The following RGS6 variants were observed in gnomAD, a reference collection of about 807,000 sequenced individuals.
The protein encoded by RGS6 is regulator of G protein signaling 6, also known as regulator of G-protein signaling 6.
Under a neutral mutation model 78.5 loss-of-function variants are expected in RGS6, and 30 were observed. That is an observed-to-expected ratio of 0.38 (90% CI 0.29 to 0.52). RGS6 has a LOEUF of 0.52. RGS6 is among the 20% of genes least tolerant of loss of function. RGS6 has a pLI of 0.85. For synonymous variants in RGS6, 206 were observed against 206.0 expected (o/e 1.00, Z 0.00); for missense variants, 495 against 609.7 (o/e 0.81, Z 1.98).
intron 15 of RGS6, among the ~76,000 whole-genome samples, chr14:72,525,448 C>T (rs943862375): frequency 6.6e-6 from 1 of 152,120 alleles, no homozygotes; most frequent in African/African-American, 2.4e-5. Flanking sequence ...ATGCTCAAGG[C>T]CAGAATGAGG....
chr14:72,255,675 A>G (rs745806949), intron 2 of RGS6, among the ~76,000 whole-genome samples: 8 of 152,208 alleles, frequency 5.3e-5, no homozygotes, highest in Non-Finnish European at 1.0e-4. Flanking sequence ...TGAGGGCTTC[A>G]AAGAGGCTGA....
At chr14:72,489,392 C>T (rs538473179) in intron 12 of RGS6, among the ~76,000 whole-genome samples, 1 of 152,346 alleles carries the variant, frequency 6.6e-6, no homozygotes, top group South Asian at 2.1e-4. Context: ...CCACATCCAG[C>T]TTGCTCTCTC....
intron 2 of RGS6, among the ~76,000 whole-genome samples, chr14:72,196,508 T>C (rs1311321999): frequency 6.6e-6 from 1 of 152,202 alleles, no homozygotes; most frequent in Non-Finnish European, 1.5e-5. Context: ...ACATGCCCCC[T>C]GTTCCTCCTG....
chr14:72,208,132 C>T (rs2043132589), intron 2 of RGS6, among the ~76,000 whole-genome samples: 1 of 152,176 alleles, frequency 6.6e-6, no homozygotes, highest in Non-Finnish European at 1.5e-5. Context: ...CAGAAGAGAA[C>T]ACAAAACCCG....
chr14:72,086,271 A>T (rs753722688), intron 2 of RGS6, among the ~76,000 whole-genome samples: 3 of 152,166 alleles, frequency 2.0e-5, no homozygotes, highest in Non-Finnish European at 4.4e-5. Context: ...TTTGCTCGAC[A>T]CCTGTGCCCT....
chr14:72,228,548 C>G (rs1337260922), intron 2 of RGS6, among the ~76,000 whole-genome samples: 2 of 152,094 alleles, frequency 1.3e-5, no homozygotes, highest in Non-Finnish European at 2.9e-5. Flanking sequence ...AGAAATAGAG[C>G]AAGGTGAGGT....
intron 3 of RGS6, among the ~76,000 whole-genome samples, chr14:72,373,731 T>A (rs958181720): frequency 6.6e-6 from 1 of 152,112 alleles, no homozygotes; most frequent in Non-Finnish European, 1.5e-5. Context: ...CCCTAGAAAA[T>A]TCCTAATTCC....
chr14:71,935,894 A>T (rs1200862084), intron 1 of RGS6, among the ~76,000 whole-genome samples: 2 of 151,588 alleles, frequency 1.3e-5, no homozygotes, highest in Admixed American at 6.6e-5. Context: ...TCTGTCTGAG[A>T]TGGGGCCCGA....
chr14:72,327,137 CT>C (rs2073985552), intron 2 of RGS6, among the ~76,000 whole-genome samples: 1 of 152,158 alleles, frequency 6.6e-6, no homozygotes, highest in Admixed American at 6.5e-5. Flanking sequence ...AATGTATCCC[CT>C]TTTTTATCTG....
chr14:71,996,022 C>T (rs540008182), intron 2 of RGS6, among the ~76,000 whole-genome samples: 1 of 152,120 alleles, frequency 6.6e-6, no homozygotes, highest in Non-Finnish European at 1.5e-5. Flanking sequence ...CGAGGCCTTC[C>T]GAGTCACCGG....
intron 2 of RGS6, among the ~76,000 whole-genome samples, chr14:71,965,749 C>A (rs141622638): frequency 6.6e-6 from 1 of 151,994 alleles, no homozygotes; most frequent in African/African-American, 2.4e-5. Context: ...CAAGATAGAG[C>A]GGAGGCTCTA....
At chr14:72,207,744 C>T (rs907295419) in intron 2 of RGS6, among the ~76,000 whole-genome samples, 8 of 152,206 alleles carry the variant, frequency 5.3e-5, no homozygotes, top group Non-Finnish European at 1.2e-4. Context: ...CCACTTCTTC[C>T]ATCTCTTGTT....
At chr14:72,043,280 TC>T (rs1261242871) in intron 2 of RGS6, among the ~76,000 whole-genome samples, 1 of 152,142 alleles carries the variant, frequency 6.6e-6, no homozygotes, top group East Asian at 1.9e-4. Context: ...GTAACTTTTT[TC>T]CTTTGCTGTT....
chr14:72,279,815 G>A (rs2061290348), intron 2 of RGS6, among the ~76,000 whole-genome samples: 1 of 152,076 alleles, frequency 6.6e-6, no homozygotes, highest in Non-Finnish European at 1.5e-5. Context: ...TTAAGTATAG[G>A]GTATAGAAGT....
the RGS6 span, among the ~76,000 whole-genome samples, chr14:72,602,888 C>G: frequency 1.3e-5 from 2 of 152,080 alleles, no homozygotes; most frequent in Non-Finnish European, 2.9e-5. Context: ...GTCCTTGATT[C>G]TAGTCCCTTA....
At chr14:72,498,864 C>T (rs1466105947) in intron 13 of RGS6, among the ~76,000 whole-genome samples, 1 of 152,198 alleles carries the variant, frequency 6.6e-6, no homozygotes, top group East Asian at 1.9e-4. Flanking sequence ...GCAGTTCACA[C>T]AGGAGCAGGG....
chr14:72,053,251 C>T (rs2093439463), intron 2 of RGS6, among the ~76,000 whole-genome samples: 1 of 150,736 alleles, frequency 6.6e-6, no homozygotes, highest in African/African-American at 2.4e-5. Context: ...TCCCGAGTAG[C>T]TGGGGCTACA....
At chr14:72,577,366 C>A in the RGS6 span, among the ~76,000 whole-genome samples, 1 of 152,220 alleles carries the variant, frequency 6.6e-6, no homozygotes. Context: ...ACAGAGCATT[C>A]TCTCGTTTAA....
At chr14:71,967,119 A>G (rs2093568390) in intron 2 of RGS6, among the ~76,000 whole-genome samples, 1 of 151,786 alleles carries the variant, frequency 6.6e-6, no homozygotes, top group African/African-American at 2.4e-5. Context: ...CAATTGCTGT[A>G]GTTCTTTAGA....
Sources: allele counts gnomAD v4.1 joint callset (sites outside exome capture counted in the v4.1 genomes callset), GRCh38; gene constraint gnomAD v4.1.1; transcripts MANE v1.5; gene names NCBI Gene and HGNC (gene_info 2026-07-23, HGNC 2026-07-21).